The following REC114 variants were observed in gnomAD, a reference collection of about 807,000 sequenced individuals.
The protein encoded by REC114 is REC114 meiotic recombination protein, also known as meiotic recombination protein REC114.
A neutral mutation model predicts 31.3 loss-of-function variants in REC114; 27 were observed. The observed-to-expected ratio is 0.86, with a 90% CI of 0.64 to 1.19. The LOEUF (loss-of-function observed/expected upper bound fraction) is 1.19, where lower values mean the gene tolerates loss of function less well. REC114 is among the 50% of genes most tolerant of loss of function. The pLI is 0.00. For missense variants in REC114, 344 were observed against 326.9 expected, an observed-to-expected ratio of 1.05 and a Z score of -0.40; for synonymous variants, 134 against 127.7, an observed-to-expected ratio of 1.05 and a Z score of -0.33.
intron 1 of REC114, among the ~76,000 whole-genome samples, chr15:73,463,797 G>A (rs1253370766): frequency 6.6e-6 from 1 of 151,870 alleles, no homozygotes; most frequent in Non-Finnish European, 1.5e-5. Flanking sequence ...CTCCAGCCTG[G>A]GTGACAGGAA....
chr15:73,456,055 G>A (rs1269548724), intron 1 of REC114, among the ~76,000 whole-genome samples: 2 of 152,130 alleles, frequency 1.3e-5, no homozygotes, highest in Admixed American at 6.6e-5. Context: ...CTGTGCAAAT[G>A]TTTTATTAAT....
At chr15:73,468,255 T>G (rs1370108446) in intron 1 of REC114, among the ~76,000 whole-genome samples, 1 of 152,236 alleles carries the variant, frequency 6.6e-6, no homozygotes, top group African/African-American at 2.4e-5. Context: ...TCTCTCCATA[T>G]ATTTAAGTGT....
intron 1 of REC114, among the ~76,000 whole-genome samples, chr15:73,447,883 A>T (rs1892789462): frequency 6.6e-6 from 1 of 152,044 alleles, no homozygotes; most frequent in Non-Finnish European, 1.5e-5. Context: ...CCTGGGAAGT[A>T]CAAGGGTTGG....
chr15:73,523,064 T>C (rs1567887890), intron 2 of REC114, among the ~76,000 whole-genome samples: 1 of 152,210 alleles, frequency 6.6e-6, no homozygotes, highest in Non-Finnish European at 1.5e-5. Context: ...GCCATTAGTA[T>C]TATCTTCCTT....
At chr15:73,457,990 A>G (rs1426625089) in intron 1 of REC114, among the ~76,000 whole-genome samples, 1 of 152,178 alleles carries the variant, frequency 6.6e-6, no homozygotes, top group Non-Finnish European at 1.5e-5. Flanking sequence ...TGGTGAGCAG[A>G]CAACTTTCAT....
At chr15:73,461,577 A>T (rs891480068) in intron 1 of REC114, among the ~76,000 whole-genome samples, 4 of 152,040 alleles carry the variant, frequency 2.6e-5, no homozygotes, top group African/African-American at 9.7e-5. Context: ...TTTCTACCTG[A>T]TGTTAGATTT....
chr15:73,463,658 TA>T (rs1277794770), intron 1 of REC114, among the ~76,000 whole-genome samples: 164 of 152,212 alleles, frequency 1.1e-3, no homozygotes, highest in Non-Finnish European at 1.8e-3. Flanking sequence ...CCATCTCTAC[TA>T]AAAATACAAA....
chr15:73,443,681 C>T (rs1892728671), intron 1 of REC114, among the ~76,000 whole-genome samples: 1 of 152,138 alleles, frequency 6.6e-6, no homozygotes, highest in Non-Finnish European at 1.5e-5. Flanking sequence ...CGCTCCCCAC[C>T]CTTATTGATG....
intron 2 of REC114, among the ~76,000 whole-genome samples, chr15:73,475,653 G>A (rs1289853149): frequency 2.0e-5 from 3 of 152,006 alleles, no homozygotes; most frequent in Non-Finnish European, 4.4e-5. Flanking sequence ...GTTACAGTAA[G>A]CTAAGGTTAA....
At position 73,443,354 on chromosome 15, in the gene REC114, G is replaced by A. The variant is rs113268207; in HGVS notation, c.159+10G>A. On this transcript the variant is annotated intron_variant, in intron 1 of 5. Coordinates refer to ENST00000331090, the MANE Select transcript of REC114 (RefSeq NM_001042367.2). ...CTGCCCCACATGGAAGGTGAGGCCC[G>A]AAGGCAGGAATATCCCTGAGGTGCC... is the stretch of plus-strand genomic sequence containing the variant. The A allele has an allele frequency of 1.6e-5, 25 of 1,560,236 alleles. No individual in the cohort carries two copies. Among genetic ancestry groups the A allele is most frequent in the Middle Eastern group, 1.7e-4 (1 of 5,938 alleles).
rs548213458 is a variant in REC114, at chr15:73,542,325, T to C, written c.333+1757T>C. 2.6e-3 allele frequency among the ~76,000 whole-genome samples: 303 copies of C among 116,428 alleles called. 1 individual carries two copies. The highest frequency in any genetic ancestry group is 9.5e-3 in the African/African-American group (292 of 30,610). 76.4% of individuals were successfully genotyped at this position (116,428 alleles called of 152,430 possible). On this transcript the variant is annotated intron_variant, in intron 3 of 5. Transcript: ENST00000331090. ...CAGCATGGGCAACAGAGCAAGACTC[T>C]GTCTCAAAAAAAAAAAAAGAAAAAA...
At chr15:73,460,482 C>T (rs1265620582) in intron 1 of REC114, among the ~76,000 whole-genome samples, 1 of 152,142 alleles carries the variant, frequency 6.6e-6, no homozygotes, top group East Asian at 1.9e-4. Flanking sequence ...TCACAAATGA[C>T]AGCACTGTAT....
At chr15:73,458,941 C>T (rs1331929033) in intron 1 of REC114, among the ~76,000 whole-genome samples, 2 of 152,180 alleles carry the variant, frequency 1.3e-5, no homozygotes, top group African/African-American at 2.4e-5. Context: ...TGGCAGTCTG[C>T]CACACAGTTC....
At chr15:73,521,626 T>C (rs1295375325) in intron 2 of REC114, among the ~76,000 whole-genome samples, 1 of 152,030 alleles carries the variant, frequency 6.6e-6, no homozygotes, top group Non-Finnish European at 1.5e-5. Flanking sequence ...AGATATAATA[T>C]TAGGAATGAA....
intron 2 of REC114, among the ~76,000 whole-genome samples, chr15:73,496,113 G>T (rs1164577117): frequency 6.6e-6 from 1 of 151,882 alleles, no homozygotes; most frequent in Non-Finnish European, 1.5e-5. Flanking sequence ...CAGCATTTTG[G>T]GAGGCTGAGG....
intron 1 of REC114, among the ~76,000 whole-genome samples, chr15:73,469,614 GAGATCA>G (rs1184126062): frequency 6.6e-6 from 1 of 150,562 alleles, no homozygotes; most frequent in Non-Finnish European, 1.5e-5. Context: ...ATTTTCTGTA[GAGATCA>G]AGTCTTGCCA....
intron 2 of REC114, among the ~76,000 whole-genome samples, chr15:73,504,116 C>G (rs1366745747): frequency 6.7e-6 from 1 of 149,852 alleles, no homozygotes; most frequent in Non-Finnish European, 1.5e-5. Flanking sequence ...AAGCGATTCT[C>G]CTGCCTCAGT....
chr15:73,473,539 A>G (rs771033293), intron 1 of REC114, among the ~76,000 whole-genome samples: 3 of 152,226 alleles, frequency 2.0e-5, no homozygotes, highest in Non-Finnish European at 4.4e-5. Flanking sequence ...TTAAAATGTA[A>G]CTAAAAAGTG....
intron 2 of REC114, among the ~76,000 whole-genome samples, chr15:73,482,203 C>T (rs939330438): frequency 6.6e-6 from 1 of 152,138 alleles, no homozygotes; most frequent in Non-Finnish European, 1.5e-5. Context: ...TGTTTGTCCC[C>T]TCCAAATCTT....
Sources: gnomAD v4.1 joint callset for allele counts (sites outside exome capture counted in the v4.1 genomes callset) on GRCh38, gnomAD v4.1.1 for gene constraint, MANE v1.5 for transcripts, NCBI Gene and HGNC (gene_info 2026-07-23, HGNC 2026-07-21) for gene names.